FUNDC2: variants seen among roughly 807,000 people sequenced by gnomAD.
FUNDC2 encodes FUN14 domain-containing protein 2.
In FUNDC2, 4 loss-of-function variants were observed where a neutral mutation model predicts 15.6. The observed-to-expected ratio is 0.26, with a 90% CI of 0.13 to 0.59. The LOEUF (loss-of-function observed/expected upper bound fraction) is 0.59, where lower values mean the gene tolerates loss of function less well. FUNDC2 is among the 20% of genes least tolerant of loss of function. The pLI is 0.90. For synonymous variants in FUNDC2, 44 were observed against 56.9 expected, an observed-to-expected ratio of 0.77 and a Z score of 1.02; for missense variants, 98 against 149.7, an observed-to-expected ratio of 0.65 and a Z score of 1.80.
chrX:155,029,406 G>C (rs782071292), intron 1 of FUNDC2, among the ~76,000 whole-genome samples: 2 of 111,974 alleles, frequency 1.8e-5, no homozygotes, highest in Non-Finnish European at 1.9e-5. Context: ...GAACACTGCT[G>C]GGTTTTTTTG....
chrX:155,027,193 G>A (rs2073796111), intron 1 of FUNDC2, 122 bp downstream of exon 1: 2 of 777,358 alleles, frequency 2.6e-6, no homozygotes, highest in South Asian at 8.3e-5. Context: ...GCGGCGCGGG[G>A]ACGGGGAGGG....
chrX:155,048,640 C>A (rs1355882981), intron 3 of FUNDC2, among the ~76,000 whole-genome samples: 2 of 112,518 alleles, frequency 1.8e-5, no homozygotes, highest in African/African-American at 6.5e-5. Context: ...CAGTTATTTT[C>A]AAAAATCCTG....
At chrX:155,040,036 A>G (rs2073842523) in intron 2 of FUNDC2, among the ~76,000 whole-genome samples, 1 of 111,689 alleles carries the variant, frequency 9.0e-6, no homozygotes, top group Non-Finnish European at 1.9e-5. Context: ...AGCCTTCTGT[A>G]GTTTTCAGTG....
chrX:155,032,199 C>T (rs1185726622), intron 1 of FUNDC2, among the ~76,000 whole-genome samples: 1 of 109,982 alleles, frequency 9.1e-6, no homozygotes, highest in Non-Finnish European at 1.9e-5. Context: ...TGGCCTCAAA[C>T]TCCTGACCTC....
intron 1 of FUNDC2, 122 bp from the exon 2 acceptor site, chrX:155,033,281 T>C: frequency 1.8e-6 from 1 of 566,434 alleles, no homozygotes; most frequent in Non-Finnish European, 2.7e-6. Flanking sequence ...TAGAATAAAT[T>C]TACTATTTAA....
chrX:155,056,751 C>G lies in FUNDC2; in HGVS notation c.*2079C>G, dbSNP rs1223879701. 2 of 111,119 alleles carry G rather than the reference C, an allele frequency of 1.8e-5. No homozygotes were observed. The highest frequency in any genetic ancestry group is 6.6e-5 in the African/African-American group (2 of 30,530). 9.2% of individuals were successfully genotyped at this position (111,119 alleles called of 1,213,427 possible). On this transcript the variant is annotated 3_prime_UTR_variant, in exon 5 of 5. Transcript: ENST00000369498. ...CAAAGCTAACCAAAGTGCTCTGTGC[C>G]CCTTTGGGTTGCATGTGGGGAGACT...
intron 4 of FUNDC2, 51 bp from the exon 5 acceptor site, chrX:155,054,544 A>T (rs2073888107): frequency 8.3e-7 from 1 of 1,204,671 alleles, no homozygotes; most frequent in African/African-American, 1.8e-5. Context: ...GATTCTTAAT[A>T]TTATTAACAT....
intron 2 of FUNDC2, among the ~76,000 whole-genome samples, chrX:155,036,178 G>T (rs150487462): frequency 1.8e-3 from 206 of 111,793 alleles, no homozygotes; most frequent in Non-Finnish European, 3.2e-3. Context: ...CTAACACTTG[G>T]TATTATCTTT....
intron 4 of FUNDC2, among the ~76,000 whole-genome samples, chrX:155,052,451 A>T (rs917225628): frequency 1.8e-5 from 2 of 112,292 alleles, no homozygotes; most frequent in Non-Finnish European, 3.8e-5. Context: ...TGTTGCAAAT[A>T]AATAAGTACA....
In FUNDC2 at chrX:155,027,041, A is replaced by C. The variant is rs144428153; in HGVS notation, c.103A>C (p.Lys35Gln). ...TCCTCTACGTGTGTCCTCGCGAGAC[A>C]AGCTCACCGAAATGGCCGCGTCCAG... ...ADPLRVSSRDKLTEMAASSQG... is the reference protein window; with the variant it reads ...ADPLRVSSRDQLTEMAASSQG... Residue 35 changes from lysine (K) to glutamine (Q), a missense_variant, in exon 1 of 5, where the codon AAG becomes CAG. By Grantham distance (53) the Lys-to-Gln change is moderately conservative (BLOSUM62 1). Coordinates refer to ENST00000369498, the MANE Select transcript of FUNDC2 (RefSeq NM_023934.4). 422 of 1,191,440 alleles carry C rather than the reference A, an allele frequency of 3.5e-4. No individual in the cohort carries two copies. Among genetic ancestry groups the C allele is most frequent in the Non-Finnish European group, 4.5e-4 (397 of 884,285 alleles).
In FUNDC2 at chrX:155,051,755, G is replaced by C. The variant is rs782536631; in HGVS notation, c.446G>C (p.Arg149Pro). The change falls in exon 4 of 5, where the codon CGT (arginine) becomes CCT (proline). Residue 149 changes from arginine to proline, a missense_variant. Physicochemically the swap from Arg to Pro is moderately radical, Grantham distance 103. Coordinates refer to ENST00000369498, the MANE Select transcript of FUNDC2 (RefSeq NM_023934.4). ...AAAGCCAAAGAGCAGCTGAAGATCC[G>C]TAAGAGCAATCAGATACCTACTGAG... The part of the protein sequence containing the change: ...MKKAKEQLKI[R>P]KSNQIPTEVR... 1 of 1,211,028 alleles carries C rather than the reference G, an allele frequency of 8.3e-7. No individual in the cohort carries two copies. Among genetic ancestry groups the C allele is most frequent in the Admixed American group, 2.2e-5 (1 of 46,085 alleles).
intron 2 of FUNDC2, among the ~76,000 whole-genome samples, chrX:155,040,106 G>A (rs2073842691): frequency 9.0e-6 from 1 of 111,569 alleles, no homozygotes; most frequent in Non-Finnish European, 1.9e-5. Context: ...TTGTAAGTGG[G>A]ACGTTTGTTT....
At chrX:155,034,786 G>A in intron 2 of FUNDC2, among the ~76,000 whole-genome samples, 1 of 111,899 alleles carries the variant, frequency 8.9e-6, no homozygotes, top group East Asian at 2.8e-4. Context: ...AGTATTTCAT[G>A]GTGGCTTCAT....
At position 155,054,688 on chromosome X, in the gene FUNDC2, G is replaced by A. The variant is rs782178883; in HGVS notation, c.*16G>A. The A allele has an allele frequency of 2.5e-6, 3 of 1,186,644 alleles. No homozygotes were observed. The highest frequency in any genetic ancestry group is 3.4e-6 in the Non-Finnish European group (3 of 873,115). ...GGCATCCTAAGGAAGATGACCTCAT[G>A]TTCATTGTTCCTGGTTTTTTCCAGC... On this transcript the variant is annotated 3_prime_UTR_variant, in exon 5 of 5. Transcript: ENST00000369498.
In FUNDC2 at chrX:155,055,369, A is replaced by C. The variant is rs1158307900; in HGVS notation, c.*697A>C. On this transcript the variant is annotated 3_prime_UTR_variant, in exon 5 of 5. Coordinates refer to ENST00000369498, the MANE Select transcript of FUNDC2 (RefSeq NM_023934.4). ...TTTTTATTTTGTAGAAAAGGTTTTA[A>C]GCTTTGAAATGTGAATGAAATATCC... 1.4e-5 allele frequency: 4 copies of C among 294,704 alleles called. No homozygotes were observed. Among genetic ancestry groups the C allele is most frequent in the African/African-American group, 1.1e-4 (4 of 36,088 alleles). The allele number at this position is 294,704 out of a possible 1,213,427, so 24.3% of individuals were successfully genotyped here.
Position 155,026,846 on chromosome X carries a change from C to A in FUNDC2, c.-93C>A. ...TTGGGCGGGACCGCGGGGCCTGTGACACCGCACGCTGAGCTCTGTGATGTA... is the reference window on the plus strand; with the variant it reads ...TTGGGCGGGACCGCGGGGCCTGTGAAACCGCACGCTGAGCTCTGTGATGTA... On this transcript the variant is annotated 5_prime_UTR_variant, in exon 1 of 5. Transcript: ENST00000369498. 8.9e-7 allele frequency: 1 copy of A among 1,127,207 alleles called. No homozygotes were observed. Among genetic ancestry groups the A allele is most frequent in the Non-Finnish European group, 1.2e-6 (1 of 850,468 alleles). The allele number at this position is 1,127,207 out of a possible 1,213,427, so 92.9% of individuals were successfully genotyped here.
At chrX:155,046,913 T>C in intron 3 of FUNDC2, 1 of 236,146 alleles carries the variant, frequency 4.2e-6, no homozygotes, top group Non-Finnish European at 7.6e-6. Context: ...GATGATTTAG[T>C]GTCATATGCT....
At chrX:155,034,237 A>G (rs1194957793) in intron 2 of FUNDC2, among the ~76,000 whole-genome samples, 1 of 112,879 alleles carries the variant, frequency 8.9e-6, no homozygotes, top group East Asian at 2.8e-4. Context: ...TTATGTCACT[A>G]AATAACATAC....
chrX:155,033,610 T>C (rs2073822652), intron 2 of FUNDC2, 57 bp downstream of exon 2: 2 of 1,090,815 alleles, frequency 1.8e-6, no homozygotes, highest in East Asian at 3.0e-5. Context: ...ATTGCAGTTA[T>C]AGGTACCATC....
Sources: allele counts gnomAD v4.1 joint callset (sites outside exome capture counted in the v4.1 genomes callset), GRCh38; gene constraint gnomAD v4.1.1; transcripts MANE v1.5; gene names NCBI Gene and HGNC (gene_info 2026-07-23, HGNC 2026-07-21).